The following ATP11A variants were observed in gnomAD, a reference collection of about 807,000 sequenced individuals.
ATP11A encodes the protein ATPase phospholipid transporting 11A, also known as phospholipid-transporting ATPase IH.
Under a neutral mutation model 154.4 loss-of-function variants are expected in ATP11A, and 81 were observed. That is an observed-to-expected ratio of 0.52 (90% CI 0.44 to 0.63). The LOEUF (loss-of-function observed/expected upper bound fraction) is 0.63, where lower values mean the gene tolerates loss of function less well. Among genes scored for constraint, ATP11A ranks in the 30% least tolerant of loss-of-function variants. ATP11A has a pLI of 0.00. For synonymous variants in ATP11A, 623 were observed against 585.9 expected (o/e 1.06, Z -0.91); for missense variants, 1,316 against 1,474.3 (o/e 0.89, Z 1.76).
At chr13:112,733,895 G>T (rs777753686) in intron 1 of ATP11A, among the ~76,000 whole-genome samples, 3 of 152,166 alleles carry the variant, frequency 2.0e-5, no homozygotes, top group Non-Finnish European at 2.9e-5. Context: ...CTTCAGAGCT[G>T]CTTGGATTAT....
rs2140456542 is a variant in ATP11A, at chr13:112,882,139, G to A, written c.*273G>A. The A allele has an allele frequency of 1.5e-6, 2 of 1,321,876 alleles. No individual in the cohort carries two copies. The highest frequency in any genetic ancestry group is 1.2e-5 in the South Asian group (1 of 82,168). 81.9% of individuals were successfully genotyped at this position (1,321,876 alleles called of 1,614,324 possible). A position where few individuals can be genotyped will look rare whatever the true frequency, so the allele number is the denominator to read the frequency against. ...CCAGCAGGCAAGGAGGGGGGTCACA[G>A]GCCTTGCCCTCGAGCATGGCACCCT... On this transcript the variant is annotated 3_prime_UTR_variant, in exon 30 of 30. Transcript: ENST00000375645. This position sits in a 1 kb window ranked among gnomAD's most constrained non-coding sequence, Gnocchi z 5.1.
At chr13:112,768,140 A>G (rs7330879) in intron 1 of ATP11A, among the ~76,000 whole-genome samples, 66,593 of 152,094 alleles carry the variant, frequency 0.44, 14,796 homozygotes, top group Middle Eastern at 0.53. Flanking sequence ...CGACTTCCTC[A>G]TAGCCGTTCT....
intron 1 of ATP11A, among the ~76,000 whole-genome samples, chr13:112,770,292 T>C (rs1285007617): frequency 6.6e-6 from 1 of 152,222 alleles, no homozygotes; most frequent in Non-Finnish European, 1.5e-5. Flanking sequence ...ATCAAAGGGA[T>C]GTCCCTGTGC....
At chr13:112,851,317 G>A (rs905805591) in intron 18 of ATP11A, 99 bp downstream of exon 18, 16 of 1,225,944 alleles carry the variant, frequency 1.3e-5, no homozygotes, top group Middle Eastern at 2.1e-4. Context: ...GAGGCCATCC[G>A]CACAGCCGAC....
Position 112,882,252 on chromosome 13 carries a change from C to G in ATP11A, c.*386C>G. 1 of 628,816 alleles carries G rather than the reference C, an allele frequency of 1.6e-6. No individual in the cohort carries two copies. The highest frequency in any genetic ancestry group is 2.4e-6 in the Non-Finnish European group (1 of 421,040). The allele number at this position is 628,816 out of a possible 1,614,324, so 39.0% of individuals were successfully genotyped here. On this transcript the variant is annotated 3_prime_UTR_variant, in exon 30 of 30. Coordinates refer to ENST00000375645, the MANE Select transcript of ATP11A (RefSeq NM_015205.3). This position sits in a 1 kb window ranked among gnomAD's most constrained non-coding sequence, Gnocchi z 5.1. Reference sequence around the variant, plus strand: ...AACGCAGGAGGGACATTCTGCTGGCCCACCCTGCGCGCTGTCATGCAGAGG... The same window carrying G: ...AACGCAGGAGGGACATTCTGCTGGCGCACCCTGCGCGCTGTCATGCAGAGG...
At chr13:112,729,417 A>G (rs1318690375) in intron 1 of ATP11A, among the ~76,000 whole-genome samples, 1 of 151,158 alleles carries the variant, frequency 6.6e-6, no homozygotes, top group Non-Finnish European at 1.5e-5. Context: ...GAGTGCGAAC[A>G]GTGTCAGAAG....
chr13:112,743,372 A>G (rs1252286487), intron 1 of ATP11A, among the ~76,000 whole-genome samples: 1 of 150,864 alleles, frequency 6.6e-6, no homozygotes, highest in Non-Finnish European at 1.5e-5. Context: ...GGTTCCTGCT[A>G]GCACTGACGG....
intron 1 of ATP11A, among the ~76,000 whole-genome samples, chr13:112,710,728 G>A (rs1187528720): frequency 6.6e-6 from 1 of 152,254 alleles, no homozygotes; most frequent in Admixed American, 6.5e-5. Context: ...ACAGTGAGGG[G>A]AAGACCAGTT....
At chr13:112,815,245 G>T (rs993768671) in intron 5 of ATP11A, among the ~76,000 whole-genome samples, 11 of 150,648 alleles carry the variant, frequency 7.3e-5, no homozygotes, top group Non-Finnish European at 1.6e-4. Flanking sequence ...CCACTGAGAT[G>T]CCTTCCTCAC....
chr13:112,734,143 G>A (rs899148954), intron 1 of ATP11A, among the ~76,000 whole-genome samples: 8 of 152,138 alleles, frequency 5.3e-5, no homozygotes, highest in African/African-American at 2.4e-5. Flanking sequence ...TAACTGTGCT[G>A]CTTCCAGCTG....
At chr13:112,752,587 TTGTGTATTTC>T (rs1386228911) in intron 1 of ATP11A, among the ~76,000 whole-genome samples, 5 of 152,192 alleles carry the variant, frequency 3.3e-5, no homozygotes, top group African/African-American at 7.2e-5. Flanking sequence ...GTCTGACGGG[TTGTGTATTTC>T]TATGTGAGAA....
At chr13:112,771,417 G>A (rs2077222965) in intron 1 of ATP11A, among the ~76,000 whole-genome samples, 1 of 152,234 alleles carries the variant, frequency 6.6e-6, no homozygotes, top group Non-Finnish European at 1.5e-5. Context: ...GCGCTGGTGG[G>A]AGGAGTTGCC....
chr13:112,718,820 G>A (rs750976335), intron 1 of ATP11A, among the ~76,000 whole-genome samples: 17 of 151,936 alleles, frequency 1.1e-4, no homozygotes, highest in African/African-American at 9.7e-5. Context: ...ACAGTTGCAC[G>A]CCAACACTCC....
chr13:112,876,138 G>T, intron 28 of ATP11A, 197 bp downstream of exon 28: 2 of 495,860 alleles, frequency 4.0e-6, no homozygotes, highest in Non-Finnish European at 6.5e-6. Context: ...CTAATTTTAT[G>T]TTTCAACCTA....
At chr13:112,695,941 G>A (rs934246354) in intron 1 of ATP11A, among the ~76,000 whole-genome samples, 31 of 152,212 alleles carry the variant, frequency 2.0e-4, no homozygotes, top group African/African-American at 7.5e-4. Context: ...GATCAGATAA[G>A]GGATGATTTT....
intron 1 of ATP11A, among the ~76,000 whole-genome samples, chr13:112,726,767 ACAGTG>A: frequency 6.6e-6 from 1 of 152,342 alleles, no homozygotes; most frequent in Middle Eastern, 3.4e-3. Context: ...ATTATTGGAT[ACAGTG>A]CCTTAACCTG....
At chr13:112,765,453 GC>G (rs914919352) in intron 1 of ATP11A, among the ~76,000 whole-genome samples, 1 of 152,198 alleles carries the variant, frequency 6.6e-6, no homozygotes, top group African/African-American at 2.4e-5. Context: ...ATCTGATTCG[GC>G]CCCGTTTCCT....
chr13:112,831,917 CTG>C (rs1428627774), intron 13 of ATP11A, among the ~76,000 whole-genome samples: 19 of 150,998 alleles, frequency 1.3e-4, no homozygotes, highest in East Asian at 2.0e-4. Context: ...TGCCCAGACA[CTG>C]TGTGCACACA....
chr13:112,756,852 G>A (rs28584676), intron 1 of ATP11A, among the ~76,000 whole-genome samples: 2 of 150,952 alleles, frequency 1.3e-5, no homozygotes, highest in African/African-American at 4.9e-5. Flanking sequence ...TCCCAGCGCG[G>A]GGTCTGCTCC....
Sources: allele counts gnomAD v4.1 joint callset (sites outside exome capture counted in the v4.1 genomes callset), GRCh38; gene constraint gnomAD v4.1.1; non-coding constraint Gnocchi (gnomAD v3.1); transcripts MANE v1.5; gene names NCBI Gene and HGNC (gene_info 2026-07-23, HGNC 2026-07-21).